TRPM6: variants seen among roughly 807,000 people sequenced by gnomAD.
TRPM6 encodes channel kinase 2.
TRPM6 carries 111 observed loss-of-function variants against 247.6 expected under a neutral mutation model. That is an observed-to-expected ratio of 0.45 (90% CI 0.38 to 0.52). TRPM6 has a LOEUF of 0.52. Among genes scored for constraint, TRPM6 ranks in the 20% least tolerant of loss-of-function variants. TRPM6 has a pLI of 0.00. For missense variants in TRPM6, 2,126 were observed against 2,421.5 expected, an observed-to-expected ratio of 0.88 and a Z score of 2.56; for synonymous variants, 892 against 853.8, an observed-to-expected ratio of 1.04 and a Z score of -0.78.
chr9:74,810,631 T>C (rs1465114951), intron 13 of TRPM6, among the ~76,000 whole-genome samples, 184 bp downstream of exon 13: 1 of 152,084 alleles, frequency 6.6e-6, no homozygotes, highest in African/African-American at 2.4e-5. Context: ...AAACATAAAG[T>C]AAATTAAGGA....
intron 5 of TRPM6, 31 bp downstream of exon 5, chr9:74,839,993 G>T: frequency 2.0e-6 from 3 of 1,524,830 alleles, no homozygotes; most frequent in South Asian, 2.2e-5. Flanking sequence ...GTGAAAGAGA[G>T]GGTGGGAGAA....
chr9:74,869,875 T>C (rs188471833), intron 1 of TRPM6, among the ~76,000 whole-genome samples: 58 of 152,344 alleles, frequency 3.8e-4, no homozygotes, highest in Admixed American at 8.5e-4. Context: ...AGTAATCTTA[T>C]ATCTCTGATA....
At position 74,738,592 on chromosome 9, in the gene TRPM6, A is replaced by C. The variant is rs1417742908; in HGVS notation, c.5591T>G (p.Ile1864Ser). 6.2e-7 allele frequency: 1 copy of C among 1,614,072 alleles called. No homozygotes were observed. The highest frequency in any genetic ancestry group is 1.7e-5 in the Admixed American group (1 of 60,012). ...CCACTGGTTGGCTGAATGGCAGTAG[A>C]TTAAGAAAACTTCCAGGAACCTGTT... Reference protein sequence around the residue: ...YTPRFLEVFLIYCHSANQWLT... With the variant: ...YTPRFLEVFLSYCHSANQWLT... Residue 1864 changes from isoleucine (I) to serine (S), a missense_variant, in exon 36 of 39, where the codon ATC becomes AGC. Physicochemically the swap from Ile to Ser is moderately radical, Grantham distance 142. Transcript: ENST00000360774.
intron 23 of TRPM6, among the ~76,000 whole-genome samples, chr9:74,778,737 C>T (rs141911849): frequency 2.0e-5 from 3 of 152,284 alleles, no homozygotes; most frequent in East Asian, 3.9e-4. Flanking sequence ...TGACCCACAC[C>T]CCTTGGGCTG....
chr9:74,868,156 A>G (rs1357373784), intron 1 of TRPM6, among the ~76,000 whole-genome samples: 1 of 150,530 alleles, frequency 6.6e-6, no homozygotes, highest in Admixed American at 6.6e-5. Flanking sequence ...CAAAAAAAAA[A>G]AAAACTTTGA....
chr9:74,737,276 C>A (rs1371751260), intron 36 of TRPM6: 1 of 865,302 alleles, frequency 1.2e-6, no homozygotes, highest in Admixed American at 3.1e-5. Context: ...AAAAAATGCA[C>A]TTATATGTAG....
At chr9:74,808,861 C>T (rs1279167852) in intron 13 of TRPM6, among the ~76,000 whole-genome samples, 1 of 152,208 alleles carries the variant, frequency 6.6e-6, no homozygotes, top group Non-Finnish European at 1.5e-5. Context: ...TTGAATTGAA[C>T]TTAATCCAGT....
At chr9:74,786,838 T>C (rs779674816) in intron 20 of TRPM6, among the ~76,000 whole-genome samples, 10 of 152,188 alleles carry the variant, frequency 6.6e-5, no homozygotes, top group Non-Finnish European at 1.3e-4. Flanking sequence ...GAACACTGGA[T>C]GGAGCAAGGA....
Position 74,724,364 on chromosome 9 carries a change from G to A in TRPM6, c.*249C>T. 1 of 550,244 alleles carries A rather than the reference G, an allele frequency of 1.8e-6. No homozygotes were observed. The allele number at this position is 550,244 out of a possible 1,614,324, so 34.1% of individuals were successfully genotyped here. On this transcript the variant is annotated 3_prime_UTR_variant, in exon 39 of 39. Transcript: ENST00000360774. ...GAGGTACACAAGAACAATATTCCCA[G>A]CTGACTCATCCAAGCATCTTCGTGT...
chr9:74,738,382 T>C, intron 36 of TRPM6, 25 bp downstream of exon 36: 2 of 1,612,360 alleles, frequency 1.2e-6, no homozygotes. Flanking sequence ...ATGCTTGTTG[T>C]ATCAAATCCT....
At chr9:74,824,858 C>T (rs1345927061) in intron 7 of TRPM6, among the ~76,000 whole-genome samples, 3 of 152,098 alleles carry the variant, frequency 2.0e-5, no homozygotes, top group Admixed American at 6.5e-5. Context: ...GCCAGGGATT[C>T]CTACAGCAAC....
intron 5 of TRPM6, among the ~76,000 whole-genome samples, chr9:74,836,838 G>T (rs1411332054): frequency 1.3e-5 from 2 of 152,120 alleles, no homozygotes; most frequent in Non-Finnish European, 2.9e-5. Flanking sequence ...GCCTAACCCT[G>T]AGCTGCCACT....
chr9:74,788,875 C>T (rs1827792366), intron 19 of TRPM6, 133 bp from the exon 20 acceptor site: 6 of 1,049,688 alleles, frequency 5.7e-6, no homozygotes, highest in South Asian at 2.7e-5. Context: ...GGACCACCTT[C>T]GGGTTATTGA....
chr9:74,765,238 G>A (rs963053825), intron 25 of TRPM6, among the ~76,000 whole-genome samples: 6 of 151,114 alleles, frequency 4.0e-5, no homozygotes, highest in South Asian at 2.1e-4. Context: ...TATTATGTTC[G>A]GCATTATGTT....
At position 74,800,482 on chromosome 9, in the gene TRPM6, T is replaced by C. The variant is rs539641048; in HGVS notation, c.2010A>G (p.Lys670=). The change falls in exon 17 of 39, where the codon AAA becomes AAG. Residue 670 remains lysine, a splice_region_variant and synonymous_variant. Transcript: ENST00000360774. Reference sequence around the variant, plus strand: ...AGTCCAGAGCCAGCTGGCCAAACTGTCTGCCATGAGGGTGGCCAATTAAGA... The same window carrying C: ...AGTCCAGAGCCAGCTGGCCAAACTGCCTGCCATGAGGGTGGCCAATTAAGA... ...DASEELKNYS[K]QFGQLALDLL... is the part of the protein sequence containing the mutation. 1.9e-6 allele frequency: 3 copies of C among 1,613,272 alleles called. No homozygotes were observed. The East Asian group carries it at 6.7e-5, about 36-fold the overall frequency.
chr9:74,797,006 A>T, intron 17 of TRPM6, 113 bp from the exon 18 acceptor site: 1 of 924,788 alleles, frequency 1.1e-6, no homozygotes, highest in Non-Finnish European at 1.7e-6. Flanking sequence ...CATCCCAGTC[A>T]ATTTTCATCG....
intron 7 of TRPM6, among the ~76,000 whole-genome samples, chr9:74,825,579 A>AT (rs1367377874): frequency 1.3e-5 from 2 of 152,074 alleles, no homozygotes; most frequent in Admixed American, 1.3e-4. Context: ...AATTGACTCC[A>AT]TAGTCAGCAA....
intron 25 of TRPM6, among the ~76,000 whole-genome samples, chr9:74,768,194 T>C (rs1826893891): frequency 6.6e-6 from 1 of 152,222 alleles, no homozygotes; most frequent in Non-Finnish European, 1.5e-5. Flanking sequence ...TAGTTCTCTT[T>C]ATACTCCTCT....
chr9:74,786,161 T>C (rs779015482), intron 20 of TRPM6, 36 bp from the exon 21 acceptor site: 1 of 1,611,994 alleles, frequency 6.2e-7, no homozygotes, highest in East Asian at 2.2e-5. Context: ...AAAAAGGAGG[T>C]ACAACCAAAG....
Sources: allele counts gnomAD v4.1 joint callset (sites outside exome capture counted in the v4.1 genomes callset), GRCh38; gene constraint gnomAD v4.1.1; transcripts MANE v1.5; gene names NCBI Gene and HGNC (gene_info 2026-07-23, HGNC 2026-07-21).